SHISA9: variants seen among roughly 807,000 people sequenced by gnomAD.
SHISA9 encodes protein shisa-9.
SHISA9 carries 13 observed loss-of-function variants against 38.0 expected under a neutral mutation model. The observed-to-expected ratio is 0.34, with a 90% CI of 0.22 to 0.54. SHISA9 has a LOEUF of 0.54. Among genes scored for constraint, SHISA9 ranks in the 20% least tolerant of loss-of-function variants. The pLI is 0.91. For synonymous variants in SHISA9, 275 were observed against 242.0 expected (o/e 1.14, Z -1.27); for missense variants, 538 against 575.8 (o/e 0.93, Z 0.67).
At chr16:12,909,194 G>C (rs946434961) in intron 1 of SHISA9, 43 of 985,526 alleles carry the variant, frequency 4.4e-5, no homozygotes, top group Non-Finnish European at 4.8e-5. Flanking sequence ...TGGGCACTGA[G>C]TCCTTGCATT....
At chr16:12,929,707 G>A (rs1279637559) in intron 2 of SHISA9, among the ~76,000 whole-genome samples, 1 of 151,724 alleles carries the variant, frequency 6.6e-6, no homozygotes, top group Non-Finnish European at 1.5e-5. Context: ...CCAGGTGATG[G>A]GATAATCTGT....
At chr16:13,078,157 A>C (rs2073605175) in intron 2 of SHISA9, among the ~76,000 whole-genome samples, 2 of 152,196 alleles carry the variant, frequency 1.3e-5, no homozygotes, top group South Asian at 4.1e-4. Flanking sequence ...AAATGTGTAC[A>C]CAGTTGCCTC....
chr16:12,974,362 G>A (rs910881633), intron 2 of SHISA9, among the ~76,000 whole-genome samples: 1 of 151,844 alleles, frequency 6.6e-6, no homozygotes, highest in African/African-American at 2.4e-5. Context: ...AGGAGGCATG[G>A]AAACCAGGCG....
intron 2 of SHISA9, among the ~76,000 whole-genome samples, chr16:13,157,843 T>TACACA (rs2050560693): frequency 6.6e-6 from 1 of 152,196 alleles, no homozygotes. Flanking sequence ...AACACAGATT[T>TACACA]GAGTCTTGTT....
At chr16:13,122,429 C>T (rs1157461683) in intron 2 of SHISA9, among the ~76,000 whole-genome samples, 1 of 152,204 alleles carries the variant, frequency 6.6e-6, no homozygotes, top group Non-Finnish European at 1.5e-5. Flanking sequence ...AGAAAAAAAT[C>T]TCTGTGCTAC....
intron 1 of SHISA9, chr16:12,909,446 G>C (rs2071150639): frequency 1.0e-6 from 1 of 985,424 alleles, no homozygotes; most frequent in Non-Finnish European, 1.2e-6. Flanking sequence ...GGGATACCTG[G>C]AGGCTTTGAA....
chr16:13,366,935 A>G, the SHISA9 span, among the ~76,000 whole-genome samples: 20 of 148,840 alleles, frequency 1.3e-4, no homozygotes, highest in South Asian at 4.3e-3. Flanking sequence ...GTGAGCTGAG[A>G]TCTCGCCACT....
the SHISA9 span, among the ~76,000 whole-genome samples, chr16:13,536,323 T>G: frequency 6.6e-6 from 1 of 152,186 alleles, no homozygotes; most frequent in African/African-American, 2.4e-5. Flanking sequence ...TCTGCCTAAA[T>G]AACTTTTCCT....
chr16:13,232,445 TTAAAA>T (rs542128496), intron 4 of SHISA9, among the ~76,000 whole-genome samples: 15 of 152,076 alleles, frequency 9.9e-5, no homozygotes, highest in African/African-American at 3.6e-4. Context: ...AATAAAAAAA[TTAAAA>T]GAAAAGAAAA....
At chr16:12,974,441 T>C (rs1215313289) in intron 2 of SHISA9, among the ~76,000 whole-genome samples, 1 of 151,182 alleles carries the variant, frequency 6.6e-6, no homozygotes, top group East Asian at 1.9e-4. Context: ...ATGACTTTCA[T>C]GTCCATATAA....
chr16:12,983,924 A>G (rs975912743), intron 2 of SHISA9, among the ~76,000 whole-genome samples: 3 of 152,228 alleles, frequency 2.0e-5, no homozygotes, highest in Admixed American at 6.5e-5. Flanking sequence ...TATGTGATTA[A>G]GATAACCAGT....
chr16:13,397,725 T>G, the SHISA9 span, among the ~76,000 whole-genome samples: 77 of 152,242 alleles, frequency 5.1e-4, 1 homozygote, highest in South Asian at 0.016. Flanking sequence ...TGAGCCACTG[T>G]GCCCGGCCAC....
In SHISA9 at chr16:13,170,969, T is replaced by G. The variant is rs2050680760; in HGVS notation, c.692-32425T>G. On this transcript the variant is annotated intron_variant, in intron 2 of 4. Transcript: ENST00000558583. ...ACCGCGCTGGGCCTAAAATAAAAGT[T>G]GAAGGAAAAAATAAAAAAAGAAAAA... is the stretch of plus-strand genomic sequence containing the variant. 2.6e-5 allele frequency among the ~76,000 whole-genome samples: 4 copies of G among 152,062 alleles called. No individual in the cohort carries two copies. In the South Asian group the frequency reaches 6.2e-4, roughly 24 times the overall value.
chr16:13,534,974 G>A, the SHISA9 span, among the ~76,000 whole-genome samples: 1 of 152,186 alleles, frequency 6.6e-6, no homozygotes, highest in African/African-American at 2.4e-5. Context: ...GCTGGGCACA[G>A]TGGCTCACGT....
the SHISA9 span, among the ~76,000 whole-genome samples, chr16:13,264,078 A>G: frequency 6.6e-6 from 1 of 151,962 alleles, no homozygotes; most frequent in South Asian, 2.1e-4. Context: ...CTTCCCCAAC[A>G]TAGTATGTCT....
the SHISA9 span, among the ~76,000 whole-genome samples, chr16:13,483,371 G>T: frequency 2.0e-5 from 3 of 152,120 alleles, no homozygotes; most frequent in African/African-American, 7.2e-5. Flanking sequence ...GAAATTGGAA[G>T]GAAACAAAAT....
chr16:13,405,971 C>CA, the SHISA9 span, among the ~76,000 whole-genome samples: 15 of 138,468 alleles, frequency 1.1e-4, no homozygotes, highest in African/African-American at 4.0e-4. Context: ...TGCAACAAAA[C>CA]AAAAAATAGA....
At chr16:13,177,620 A>C (rs1459854191) in intron 2 of SHISA9, among the ~76,000 whole-genome samples, 1 of 152,072 alleles carries the variant, frequency 6.6e-6, no homozygotes, top group East Asian at 1.9e-4. Flanking sequence ...TTACTAGATT[A>C]CTGGCTCCTG....
the SHISA9 span, among the ~76,000 whole-genome samples, chr16:13,264,500 CA>C: frequency 2.6e-5 from 4 of 152,164 alleles, no homozygotes; most frequent in South Asian, 2.1e-4. Flanking sequence ...TGGAGGAAAC[CA>C]GGGGCGGAGT....
Sources: allele counts gnomAD v4.1 joint callset (sites outside exome capture counted in the v4.1 genomes callset), GRCh38; gene constraint gnomAD v4.1.1; transcripts MANE v1.5; gene names NCBI Gene and HGNC (gene_info 2026-07-23, HGNC 2026-07-21).